Variants in GABBR2 observed in about 807,000 individuals in gnomAD.
GABBR2 encodes the protein gamma-aminobutyric acid type B receptor subunit 2, also known as G-protein coupled receptor 51.
GABBR2 carries 23 observed loss-of-function variants against 105.6 expected under a neutral mutation model. The ratio of observed to expected loss-of-function variants is 0.22; its 90% CI spans 0.16 to 0.31. The LOEUF is 0.31. GABBR2 is among the 10% of genes least tolerant of loss of function. GABBR2 has a pLI of 1.00. For missense variants in GABBR2, 734 were observed against 1,245.5 expected, an observed-to-expected ratio of 0.59 and a Z score of 6.18; for synonymous variants, 478 against 499.7, an observed-to-expected ratio of 0.96 and a Z score of 0.58.
At chr9:98,550,021 T>C (rs1191187570) in intron 2 of GABBR2, among the ~76,000 whole-genome samples, 1 of 152,194 alleles carries the variant, frequency 6.6e-6, no homozygotes, top group Admixed American at 6.5e-5. Flanking sequence ...GAAGCCAGCA[T>C]ATGGGCAAGG....
At chr9:98,403,862 T>C (rs570120356) in intron 8 of GABBR2, among the ~76,000 whole-genome samples, 15 of 152,124 alleles carry the variant, frequency 9.9e-5, no homozygotes, top group African/African-American at 3.1e-4. Flanking sequence ...GTTAGGATTA[T>C]ACTCCTATTT....
At chr9:98,310,495 A>C (rs1177738827) in intron 14 of GABBR2, among the ~76,000 whole-genome samples, 1 of 152,066 alleles carries the variant, frequency 6.6e-6, no homozygotes, top group African/African-American at 2.4e-5. Flanking sequence ...TGACCCACCC[A>C]CCTCGGCCTC....
intron 2 of GABBR2, among the ~76,000 whole-genome samples, chr9:98,558,288 G>C (rs1828616878): frequency 6.6e-6 from 1 of 152,182 alleles, no homozygotes; most frequent in Admixed American, 6.5e-5. Context: ...CTAACCCTAA[G>C]TAACCATTCA....
intron 13 of GABBR2, among the ~76,000 whole-genome samples, chr9:98,337,768 G>C (rs1310144190): frequency 6.6e-6 from 1 of 152,198 alleles, no homozygotes. Flanking sequence ...TCCAGGGGCG[G>C]TAGCTCACGC....
intron 3 of GABBR2, among the ~76,000 whole-genome samples, chr9:98,525,090 A>T (rs1455304949): frequency 2.0e-5 from 3 of 152,224 alleles, no homozygotes; most frequent in Non-Finnish European, 4.4e-5. Flanking sequence ...AGTGTTCATG[A>T]CCTTGAATTA....
At chr9:98,444,868 T>TGCGC (rs201464357) in intron 7 of GABBR2, among the ~76,000 whole-genome samples, 31 of 115,296 alleles carry the variant, frequency 2.7e-4, no homozygotes, top group African/African-American at 2.4e-4. Context: ...CATATGCACA[T>TGCGC]GCGCGCGCGC....
At chr9:98,401,982 G>A (rs1171376794) in intron 8 of GABBR2, among the ~76,000 whole-genome samples, 1 of 152,096 alleles carries the variant, frequency 6.6e-6, no homozygotes, top group Non-Finnish European at 1.5e-5. Context: ...GTCTGCAATT[G>A]GGAAGGACAA....
chr9:98,514,399 T>TATAATA (rs144710548), intron 3 of GABBR2, among the ~76,000 whole-genome samples: 2 of 109,926 alleles, frequency 1.8e-5, no homozygotes, highest in Admixed American at 9.2e-5. Flanking sequence ...AAACTTAAAG[T>TATAATA]ATAATAATAA....
At chr9:98,694,024 C>G (rs1296502464) in intron 1 of GABBR2, among the ~76,000 whole-genome samples, 1 of 148,410 alleles carries the variant, frequency 6.7e-6, no homozygotes, top group Non-Finnish European at 1.5e-5. Context: ...TTCCACACTG[C>G]CTGGCCCAGA....
chr9:98,452,172 C>A (rs955487367), intron 7 of GABBR2, among the ~76,000 whole-genome samples: 2 of 152,194 alleles, frequency 1.3e-5, no homozygotes, highest in Non-Finnish European at 2.9e-5. Flanking sequence ...ACCAGACCAA[C>A]AATATAAGCC....
intron 6 of GABBR2, among the ~76,000 whole-genome samples, chr9:98,458,332 T>G (rs1826361951): frequency 6.6e-6 from 1 of 152,260 alleles, no homozygotes; most frequent in Non-Finnish European, 1.5e-5. Context: ...GAGTCTCATT[T>G]GGAAGTACAC....
intron 1 of GABBR2, among the ~76,000 whole-genome samples, chr9:98,597,915 G>A (rs998838599): frequency 2.6e-5 from 4 of 152,100 alleles, no homozygotes; most frequent in Admixed American, 1.3e-4. Flanking sequence ...TGCCTCCCGG[G>A]TTCAAGCCAA....
At position 98,289,142 on chromosome 9, in the gene GABBR2, G is replaced by A. The variant is rs1181412439; in HGVS notation, c.*1442C>T. 1 of 152,722 alleles carries A rather than the reference G, an allele frequency of 6.5e-6. No individual in the cohort carries two copies. The highest frequency in any genetic ancestry group is 1.5e-5 in the Non-Finnish European group (1 of 68,126). 9.5% of individuals were successfully genotyped at this position (152,722 alleles called of 1,614,324 possible). On this transcript the variant is annotated 3_prime_UTR_variant, in exon 19 of 19. Coordinates refer to ENST00000259455, the MANE Select transcript of GABBR2 (RefSeq NM_005458.8). Reference sequence around the variant, plus strand: ...TCTCTGGGCCACACCCCCGGCTGTAGGGAGGGCTGAAGGTCAGAGTCATAC... The same window carrying A: ...TCTCTGGGCCACACCCCCGGCTGTAAGGAGGGCTGAAGGTCAGAGTCATAC...
At chr9:98,630,610 C>T (rs1829803172) in intron 1 of GABBR2, among the ~76,000 whole-genome samples, 9 of 151,928 alleles carry the variant, frequency 5.9e-5, no homozygotes, top group Admixed American at 3.9e-4. Flanking sequence ...ACACAGATAG[C>T]CAAAAGAGAA....
intron 7 of GABBR2, among the ~76,000 whole-genome samples, chr9:98,445,130 A>G (rs1826103157): frequency 6.6e-6 from 1 of 152,258 alleles, no homozygotes; most frequent in South Asian, 2.1e-4. Flanking sequence ...AACATTCACT[A>G]GAGGTTATCA....
chr9:98,361,981 ATCTC>A (rs768860970), intron 13 of GABBR2, among the ~76,000 whole-genome samples: 5 of 152,208 alleles, frequency 3.3e-5, no homozygotes, highest in South Asian at 2.1e-4. Context: ...CCCACAAAAG[ATCTC>A]TCTAACAAAG....
In GABBR2 at chr9:98,371,559, T is replaced by C; in HGVS notation, c.1675A>G (p.Ile559Val). ...GCGGTCGTGTAGCCCACGGTGAGAA[T>C]CCAGGTCCTGACCTAGAGGCCATGA... ...FETLCTVRTW[I>V]LTVGYTTAFG... Residue 559 changes from isoleucine (I) to valine (V), a missense_variant, in exon 12 of 19, where the codon ATT becomes GTT. Around this residue, in one of 7 missense-constraint regions of GABBR2, gnomAD observed 17 missense variants for 67.8 expected, o/e 0.25. Transcript: ENST00000259455. 1 of 1,604,926 alleles carries C rather than the reference T, an allele frequency of 6.2e-7. No homozygotes were observed. Among genetic ancestry groups the C allele is most frequent in the Non-Finnish European group, 8.5e-7 (1 of 1,171,736 alleles).
chr9:98,299,792 T>G (rs1830439623), intron 16 of GABBR2, among the ~76,000 whole-genome samples: 1 of 152,166 alleles, frequency 6.6e-6, no homozygotes, highest in Non-Finnish European at 1.5e-5. Context: ...GGGGAGGTTG[T>G]GCAGATCAAA....
chr9:98,688,260 C>T (rs1564152051), intron 1 of GABBR2, among the ~76,000 whole-genome samples: 2 of 152,106 alleles, frequency 1.3e-5, no homozygotes, highest in African/African-American at 2.4e-5. Flanking sequence ...AATGTAACAA[C>T]AGGAAATTTG....
Sources: gnomAD v4.1 joint callset for allele counts (sites outside exome capture counted in the v4.1 genomes callset) on GRCh38, gnomAD v4.1.1 for gene constraint, gnomAD v4.1.1 regional missense constraint, MANE v1.5 for transcripts, NCBI Gene and HGNC (gene_info 2026-07-23, HGNC 2026-07-21) for gene names.